SYNGR4: variants seen among roughly 807,000 people sequenced by gnomAD.
The protein encoded by SYNGR4 is synaptogyrin 4.
Under a neutral mutation model 15.5 loss-of-function variants are expected in SYNGR4, and 15 were observed. The ratio of observed to expected loss-of-function variants is 0.97; its 90% CI spans 0.65 to 1.49. The LOEUF (loss-of-function observed/expected upper bound fraction) is 1.49, where lower values mean the gene tolerates loss of function less well. Among genes scored for constraint, SYNGR4 ranks in the 40% most tolerant of loss-of-function variants. The pLI is 0.00. For synonymous variants in SYNGR4, 121 were observed against 127.4 expected (o/e 0.95, Z 0.34); for missense variants, 292 against 299.3 (o/e 0.98, Z 0.18).
chr19:48,375,552 T>C, intron 3 of SYNGR4, 61 bp from the exon 4 acceptor site: 3 of 1,571,160 alleles, frequency 1.9e-6, no homozygotes, highest in Non-Finnish European at 8.7e-7. Context: ...TTCCCATGCC[T>C]CAGCAGCCCT....
At chr19:48,365,683 G>A in intron 1 of SYNGR4, 53 bp from the exon 2 acceptor site, 2 of 126,570 alleles carry the variant, frequency 1.6e-5, no homozygotes, top group Non-Finnish European at 2.6e-5. Flanking sequence ...GCCCCCAACA[G>A]CCCTTCCACC....
At chr19:48,365,711 A>G in intron 1 of SYNGR4, 25 bp from the exon 2 acceptor site, 1 of 560,634 alleles carries the variant, frequency 1.8e-6, no homozygotes, top group Non-Finnish European at 2.5e-6. Flanking sequence ...CCTGACTGGC[A>G]TCCCCCATCT....
At chr19:48,370,224 G>C (rs986170486) in intron 2 of SYNGR4, among the ~76,000 whole-genome samples, 2 of 152,200 alleles carry the variant, frequency 1.3e-5, no homozygotes, top group African/African-American at 4.8e-5. Context: ...GGTGGCTCAC[G>C]CCTGTAATCC....
Position 48,365,816 on chromosome 19 carries a change from C to T in SYNGR4, c.-27C>T, listed in dbSNP as rs1465685822. ...GCCCAGCACCCTGGCTCCCACCTCC[C>T]AGTGGCCCCAAAGGAAAACAGCTGC... On this transcript the variant is annotated 5_prime_UTR_variant, in exon 2 of 5. Transcript: ENST00000344846. The T allele has an allele frequency of 6.2e-7, 1 of 1,612,364 alleles. No individual in the cohort carries two copies. Among genetic ancestry groups the T allele is most frequent in the East Asian group, 2.2e-5 (1 of 44,864 alleles).
Position 48,376,311 on chromosome 19 carries a change from A to G in SYNGR4, c.698A>G (p.Asp233Gly). 1 of 1,612,596 alleles carries G rather than the reference A, an allele frequency of 6.2e-7. No individual in the cohort carries two copies. Among genetic ancestry groups the G allele is most frequent in the African/African-American group, 1.3e-5 (1 of 74,914 alleles). Residue 233 changes from aspartate to glycine, a missense_variant, in exon 5 of 5, where the codon GAC becomes GGC. Asp to Gly is a moderately conservative substitution (Grantham distance 94). Coordinates refer to ENST00000344846, the MANE Select transcript of SYNGR4 (RefSeq NM_012451.4). Reference protein sequence around the residue: ...PKSPRLAMMPDN With the variant: ...PKSPRLAMMPGN ...TCCCCCCGGCTTGCTATGATGCCTG[A>G]CAACTAAATATCCTTATCCAAATCA...
At chr19:48,375,988 T>A in intron 4 of SYNGR4, 97 bp from the exon 5 acceptor site, 1 of 1,584,534 alleles carries the variant, frequency 6.3e-7, no homozygotes. Context: ...CAAACACCGG[T>A]ATCTTTTGTC....
In SYNGR4 at chr19:48,376,019, A is replaced by C. The variant is rs1180237179; in HGVS notation, c.472-66A>C. 2.5e-6 allele frequency: 4 copies of C among 1,611,120 alleles called. No homozygotes were observed. In the African/African-American group the frequency reaches 5.3e-5, roughly 22 times the overall value. ...TTGTCTCCTTCCCAGGCCAGTCCCC[A>C]GCCCAGTCCCTCTCCTGACCTGCCC... On this transcript the variant is annotated intron_variant, in intron 4 of 4. Transcript: ENST00000344846.
Position 48,373,726 on chromosome 19 carries a change from C to T in SYNGR4, c.303C>T (p.Ala101=). 6.2e-7 allele frequency: 1 copy of T among 1,614,046 alleles called. No homozygotes were observed. Among genetic ancestry groups the T allele is most frequent in the Non-Finnish European group, 8.5e-7 (1 of 1,180,022 alleles). ...TTGCCGGCACCCGCTTCAAGACAGC[C>T]TTCCAGCTCCTGGACTTCATCCTGG... ...TRIAGTRFKT[A]FQLLDFILAV... is the part of the protein sequence containing the mutation. The change falls in exon 3 of 5, where the codon GCC becomes GCT. Residue 101 remains alanine, a synonymous_variant. Transcript: ENST00000344846.
intron 2 of SYNGR4, 31 bp downstream of exon 2, chr19:48,365,966 C>T (rs1219856961): frequency 5.6e-6 from 9 of 1,609,240 alleles, no homozygotes; most frequent in Non-Finnish European, 7.6e-6. Flanking sequence ...GACTGTGCCC[C>T]TGGGTGACAG....
chr19:48,368,662 G>A (rs754116883), intron 2 of SYNGR4, among the ~76,000 whole-genome samples: 42 of 152,070 alleles, frequency 2.8e-4, no homozygotes, highest in Non-Finnish European at 4.7e-4. Context: ...TTACAGGCGT[G>A]AGCCACCGCA....
chr19:48,371,454 G>A (rs1258593597), intron 2 of SYNGR4, among the ~76,000 whole-genome samples: 2 of 152,162 alleles, frequency 1.3e-5, no homozygotes, highest in Non-Finnish European at 2.9e-5. Flanking sequence ...ACCGAATTTC[G>A]TTGATAGGAG....
chr19:48,370,851 C>A (rs528890160), intron 2 of SYNGR4, among the ~76,000 whole-genome samples: 110 of 152,328 alleles, frequency 7.2e-4, no homozygotes, highest in African/African-American at 2.6e-3. Context: ...TACTGAATTC[C>A]CCAGGGCTCT....
At chr19:48,370,008 G>A (rs1970280335) in intron 2 of SYNGR4, among the ~76,000 whole-genome samples, 1 of 152,184 alleles carries the variant, frequency 6.6e-6, no homozygotes, top group African/African-American at 2.4e-5. Flanking sequence ...TGCTGTTGTT[G>A]TTCACAGAAG....
At chr19:48,373,902 T>C (rs1306806025) in intron 3 of SYNGR4, 148 bp downstream of exon 3, 9 of 751,660 alleles carry the variant, frequency 1.2e-5, no homozygotes, top group Admixed American at 9.1e-5. Flanking sequence ...TGACCACAAG[T>C]GGCCCAGAGC....
At chr19:48,370,074 C>T (rs531171663) in intron 2 of SYNGR4, among the ~76,000 whole-genome samples, 42 of 152,122 alleles carry the variant, frequency 2.8e-4, no homozygotes, top group African/African-American at 1.0e-3. Context: ...TTTAGGGGTC[C>T]GTTCTTTGCC....
chr19:48,369,896 C>T (rs915198166), intron 2 of SYNGR4, among the ~76,000 whole-genome samples: 4 of 152,282 alleles, frequency 2.6e-5, no homozygotes, highest in South Asian at 2.1e-4. Flanking sequence ...CATCTTACAG[C>T]CTCCCTCCAA....
intron 2 of SYNGR4, among the ~76,000 whole-genome samples, chr19:48,367,035 T>G (rs1970233862): frequency 6.6e-6 from 1 of 151,474 alleles, no homozygotes; most frequent in East Asian, 2.0e-4. Context: ...AAGCCTGTAG[T>G]CCCAGTTACT....
chr19:48,373,863 C>T, intron 3 of SYNGR4, 109 bp downstream of exon 3: 1 of 1,075,096 alleles, frequency 9.3e-7, no homozygotes, highest in African/African-American at 1.5e-5. Flanking sequence ...CCGGCCTCCA[C>T]CCTGACTGTC....
intron 2 of SYNGR4, among the ~76,000 whole-genome samples, chr19:48,372,301 T>A (rs536465155): frequency 6.6e-6 from 1 of 152,090 alleles, no homozygotes; most frequent in Non-Finnish European, 1.5e-5. Flanking sequence ...AAGGATGACC[T>A]GGGTGAGTGT....
Sources: gnomAD v4.1 joint callset for allele counts (sites outside exome capture counted in the v4.1 genomes callset) on GRCh38, gnomAD v4.1.1 for gene constraint, MANE v1.5 for transcripts, NCBI Gene and HGNC (gene_info 2026-07-23, HGNC 2026-07-21) for gene names.